PBRM1: variants seen among roughly 807,000 people sequenced by gnomAD.
PBRM1 encodes the protein protein polybromo-1.
PBRM1 carries 27 observed loss-of-function variants against 194.5 expected under a neutral mutation model. The observed-to-expected ratio is 0.14, with a 90% confidence interval of 0.10 to 0.19. The LOEUF (loss-of-function observed/expected upper bound fraction) is 0.19. Among genes scored for constraint, PBRM1 ranks in the 10% least tolerant of loss-of-function variants. The pLI, the probability that PBRM1 is intolerant of heterozygous loss-of-function variation, is 1.00. For missense variants in PBRM1, 1,466 were observed against 2,077.2 expected (o/e 0.71, Z 5.72); for synonymous variants, 655 against 693.2 (o/e 0.94, Z 0.87).
chr3:52,555,383 G>A (rs1287774451), intron 26 of PBRM1, among the ~76,000 whole-genome samples: 1 of 152,206 alleles, frequency 6.6e-6, no homozygotes, highest in Non-Finnish European at 1.5e-5. Context: ...CTTTGGGGCA[G>A]GAATTGTTCA....
exon 14 of PBRM1, chr3:52,617,447 G>A (rs2095024078): frequency 6.2e-6 from 10 of 1,613,458 alleles, no homozygotes; most frequent in South Asian, 1.1e-5. Context: ...ACCATAAATA[G>A]GTCACAAAGT....
chr3:52,574,889 TACA>T (rs1237522057), intron 22 of PBRM1, among the ~76,000 whole-genome samples: 2 of 152,124 alleles, frequency 1.3e-5, no homozygotes, highest in Admixed American at 6.6e-5. Context: ...AGTAACCATA[TACA>T]ACAACAACAA....
At position 52,587,645 on chromosome 3, in the gene PBRM1, A is replaced by G. The variant is rs531105888; in HGVS notation, c.2966-135T>C. On this transcript the variant is annotated intron_variant, in intron 18 of 29. Transcript: ENST00000296302. ...GGCTGGACTTGAATTCCTGGGCCAAAGTGGTCCTCCAACCTCAGCCTCCTG... is the reference window on the plus strand; with the variant it reads ...GGCTGGACTTGAATTCCTGGGCCAAGGTGGTCCTCCAACCTCAGCCTCCTG... 7.9e-4 allele frequency: 522 copies of G among 659,108 alleles called. 1 individual carries two copies. The Middle Eastern group carries it at 7.9e-3, about 10-fold the overall frequency. 40.8% of individuals were successfully genotyped at this position (659,108 alleles called of 1,614,324 possible). A position where few individuals can be genotyped will look rare whatever the true frequency, so the allele number is the denominator to read the frequency against.
At chr3:52,653,517 A>T (rs2096548876) in intron 5 of PBRM1, among the ~76,000 whole-genome samples, 1 of 151,052 alleles carries the variant, frequency 6.6e-6, no homozygotes, top group East Asian at 1.9e-4. Flanking sequence ...TGAACCTGGG[A>T]GGTGGAGGTT....
chr3:52,624,941 C>T, intron 13 of PBRM1: 1 of 1,546,880 alleles, frequency 6.5e-7, no homozygotes, highest in Non-Finnish European at 8.7e-7. Flanking sequence ...CATGAGTGTT[C>T]CTGGGAAAGC....
downstream of PBRM1, chr3:52,547,318 A>G (rs1038766278): frequency 2.1e-5 from 5 of 233,006 alleles, no homozygotes; most frequent in Admixed American, 2.3e-4. Context: ...TCTAACTCAC[A>G]GATGTCTAAC....
intron 22 of PBRM1, among the ~76,000 whole-genome samples, chr3:52,568,180 T>C (rs181801146): frequency 2.0e-5 from 3 of 152,292 alleles, no homozygotes; most frequent in East Asian, 1.9e-4. Flanking sequence ...GGTTTCACCA[T>C]GTCGGCCAGG....
At chr3:52,551,128 C>T (rs2080877703) in intron 27 of PBRM1, among the ~76,000 whole-genome samples, 1 of 152,208 alleles carries the variant, frequency 6.6e-6, no homozygotes, top group African/African-American at 2.4e-5. Context: ...CCTCTACATT[C>T]AAGGTGTTTT....
chr3:52,662,304 A>C (rs2096740169), intron 3 of PBRM1, 28 bp from the exon 5 acceptor site: 2 of 1,572,264 alleles, frequency 1.3e-6, no homozygotes, highest in East Asian at 2.3e-5. Flanking sequence ...GAAAAAAAAA[A>C]ACACTTTAGT....
intron 17 of PBRM1, among the ~76,000 whole-genome samples, chr3:52,596,070 G>A (rs1285559547): frequency 6.6e-6 from 1 of 152,142 alleles, no homozygotes; most frequent in East Asian, 1.9e-4. Context: ...TTGAAGTCGG[G>A]TAACGTGATT....
chr3:52,685,044 G>A (rs2097288092), intron 1 of PBRM1: 1 of 152,162 alleles, frequency 6.6e-6, no homozygotes, highest in Non-Finnish European at 1.5e-5. Flanking sequence ...AGAATCCTGT[G>A]TTGGAAAGTA....
chr3:52,678,467 C>A (rs969313366), intron 2 of PBRM1, 33 bp downstream of exon 3: 1 of 1,389,810 alleles, frequency 7.2e-7, no homozygotes, highest in African/African-American at 1.4e-5. Context: ...GGACCAAATC[C>A]CCCGCAACTG....
At chr3:52,554,650 G>A in intron 27 of PBRM1, 74 bp downstream of exon 29, 1 of 1,357,550 alleles carries the variant, frequency 7.4e-7, no homozygotes, top group Middle Eastern at 1.9e-4. Context: ...GGTGCCTCCT[G>A]GAACAACTGG....
intron 2 of PBRM1, among the ~76,000 whole-genome samples, chr3:52,672,745 C>T (rs1226121626): frequency 1.3e-5 from 2 of 152,038 alleles, no homozygotes. Context: ...CCACCTGTCT[C>T]GGCCTCCCAA....
intron 29 of PBRM1, among the ~76,000 whole-genome samples, 194 bp from the exon 32 acceptor site, chr3:52,548,429 ATTT>A (rs372814552): frequency 6.9e-6 from 1 of 145,608 alleles, no homozygotes. Context: ...TTGATCATAA[ATTT>A]TTTTTTTTTT....
chr3:52,598,309 A>C (rs1346485123), intron 17 of PBRM1, among the ~76,000 whole-genome samples: 1 of 152,186 alleles, frequency 6.6e-6, no homozygotes, highest in African/African-American at 2.4e-5. Flanking sequence ...TCATTATCCC[A>C]AACAGAAACT....
chr3:52,627,428 A>G, intron 12 of PBRM1, 58 bp from the exon 14 acceptor site: 1 of 984,558 alleles, frequency 1.0e-6, no homozygotes, highest in Non-Finnish European at 1.6e-6. Flanking sequence ...CTCTGAATAT[A>G]TGAATGTTAA....
At chr3:52,624,402 CT>C (rs2095377727) in intron 13 of PBRM1, among the ~76,000 whole-genome samples, 1 of 152,150 alleles carries the variant, frequency 6.6e-6, no homozygotes, top group Admixed American at 6.5e-5. Flanking sequence ...CAAAAGAATG[CT>C]TTTTATAAAA....
At position 52,561,760 on chromosome 3, in the gene PBRM1, T is replaced by C; in HGVS notation, c.4288+7A>G. On this transcript the variant is annotated splice_region_variant and intron_variant, in intron 25 of 29. Transcript: ENST00000296302. ...TCGAAAGACAGTTGTGCCTAGGCTC[T>C]ATTTACCTTCATATTCTGCTTTCTT... 1 of 1,612,826 alleles carries C rather than the reference T, an allele frequency of 6.2e-7. No homozygotes were observed. The highest frequency in any genetic ancestry group is 2.2e-5 in the East Asian group (1 of 44,866).
Sources: allele counts gnomAD v4.1 joint callset (sites outside exome capture counted in the v4.1 genomes callset), GRCh38; gene constraint gnomAD v4.1.1; transcripts MANE v1.5; gene names NCBI Gene and HGNC (gene_info 2026-07-23, HGNC 2026-07-21).